The following VEGFC variants were observed in gnomAD, a reference collection of about 807,000 sequenced individuals.
VEGFC encodes vascular endothelial growth factor C.
VEGFC carries 12 observed loss-of-function variants against 46.1 expected under a neutral mutation model. That is an observed-to-expected ratio of 0.26 (90% CI 0.17 to 0.42). The LOEUF is 0.42. VEGFC is among the 10% of genes least tolerant of loss of function. The pLI is 1.00. For missense variants in VEGFC, 488 were observed against 529.4 expected, an observed-to-expected ratio of 0.92 and a Z score of 0.77; for synonymous variants, 232 against 195.5, an observed-to-expected ratio of 1.19 and a Z score of -1.56.
intron 1 of VEGFC, among the ~76,000 whole-genome samples, chr4:176,787,829 C>T (rs1427281522): frequency 2.0e-5 from 3 of 152,172 alleles, no homozygotes; most frequent in Non-Finnish European, 4.4e-5. Context: ...ATAACTCAAA[C>T]TCATCAGCAT....
Position 176,729,558 on chromosome 4 carries a change from T to C in VEGFC, c.336A>G (p.Ala112=). Residue 112 remains alanine, a synonymous_variant, in exon 2 of 7, where the codon GCA becomes GCG. Transcript: ENST00000618562. ...TTTTCAAGATCTCTGTATTATAATG[T>C]GCTGCAGCAAATTTTATAGTCTCTT... ...RTEETIKFAA[A]HYNTEILKSI... 1 of 1,613,542 alleles carries C rather than the reference T, an allele frequency of 6.2e-7. No individual in the cohort carries two copies. The highest frequency in any genetic ancestry group is 8.5e-7 in the Non-Finnish European group (1 of 1,179,886).
At chr4:176,687,641 A>G in intron 5 of VEGFC, 121 bp from the exon 6 acceptor site, 1 of 1,100,884 alleles carries the variant, frequency 9.1e-7, no homozygotes, top group Non-Finnish European at 1.3e-6. Context: ...GGGTACAAAC[A>G]TGAGTATGTT....
At chr4:176,716,445 C>T (rs1394131466) in intron 3 of VEGFC, among the ~76,000 whole-genome samples, 19 of 151,642 alleles carry the variant, frequency 1.3e-4, no homozygotes, top group Admixed American at 7.2e-4. Context: ...GGTGGCGTGG[C>T]GGATGCCTGT....
chr4:176,710,609 T>C (rs1325844260), intron 4 of VEGFC, among the ~76,000 whole-genome samples: 1 of 152,212 alleles, frequency 6.6e-6, no homozygotes, highest in Non-Finnish European at 1.5e-5. Context: ...GTTTTCTTTT[T>C]TGTAATATAT....
chr4:176,696,892 C>G (rs1734325012), intron 4 of VEGFC, among the ~76,000 whole-genome samples: 1 of 151,942 alleles, frequency 6.6e-6, no homozygotes, highest in Non-Finnish European at 1.5e-5. Context: ...GAAAGGATGC[C>G]CTATTTAATA....
intron 3 of VEGFC, among the ~76,000 whole-genome samples, chr4:176,719,788 C>A (rs192835255): frequency 1.3e-5 from 2 of 152,104 alleles, no homozygotes; most frequent in Non-Finnish European, 2.9e-5. Flanking sequence ...CTGCCGGGTG[C>A]GGTGGCTCAT....
chr4:176,776,724 T>C (rs917380602), intron 1 of VEGFC, among the ~76,000 whole-genome samples: 4 of 152,210 alleles, frequency 2.6e-5, no homozygotes, highest in Non-Finnish European at 5.9e-5. Flanking sequence ...CTTTATTCAA[T>C]AAAATATGGT....
chr4:176,747,812 C>A lies in VEGFC; in HGVS notation c.148-18066G>T, dbSNP rs144242232. ...GTCTCAAAAACAAATGAACAAAAAT[C>A]AAGTTCTCTTTCATTAAGCATCTTA... On this transcript the variant is annotated intron_variant, in intron 1 of 6. Transcript: ENST00000618562. 1.4e-3 allele frequency among the ~76,000 whole-genome samples: 211 copies of A among 151,960 alleles called. 2 individuals carry two copies. Among genetic ancestry groups the A allele is most frequent in the Non-Finnish European group, 1.8e-4 (12 of 67,910 alleles).
intron 3 of VEGFC, among the ~76,000 whole-genome samples, chr4:176,725,025 TAAC>T (rs1460247584): frequency 2.0e-5 from 3 of 152,060 alleles, no homozygotes; most frequent in African/African-American, 7.2e-5. Context: ...TTGGAGTGAA[TAAC>T]GATATATTGT....
chr4:176,790,290 T>C (rs535682503), intron 1 of VEGFC, among the ~76,000 whole-genome samples: 4 of 152,272 alleles, frequency 2.6e-5, no homozygotes, highest in African/African-American at 9.6e-5. Context: ...TTTCATCACA[T>C]AGGAAAGGAA....
intron 3 of VEGFC, among the ~76,000 whole-genome samples, chr4:176,720,894 C>T (rs993479479): frequency 1.6e-4 from 23 of 147,708 alleles, no homozygotes; most frequent in Non-Finnish European, 1.2e-4. Flanking sequence ...ATAAAACAAT[C>T]TGACAGATAA....
chr4:176,776,996 G>C (rs1332758282), intron 1 of VEGFC, among the ~76,000 whole-genome samples: 1 of 152,128 alleles, frequency 6.6e-6, no homozygotes, highest in Admixed American at 6.5e-5. Context: ...AACTGGACGG[G>C]AGATGTTTTA....
In VEGFC at chr4:176,687,384, C is replaced by A; in HGVS notation, c.948G>T (p.Gln316His). The A allele has an allele frequency of 6.2e-7, 1 of 1,614,188 alleles. No homozygotes were observed. Among genetic ancestry groups the A allele is most frequent in the South Asian group, 1.1e-5 (1 of 91,088 alleles). The change falls in exon 6 of 7, where the codon CAG becomes CAT. Residue 316 changes from glutamine (Q) to histidine (H), a missense_variant. Transcript: ENST00000618562. Reference protein sequence around the residue: ...PHKELDRNSCQCVCKNKLFPS... With the variant: ...PHKELDRNSCHCVCKNKLFPS... ...GGAAGAGTTTGTTTTTACAGACACA[C>A]TGGCATGAGTTTCTGTCTAGTTCTT...
At chr4:176,782,506 G>GA (rs1735934416) in intron 1 of VEGFC, among the ~76,000 whole-genome samples, 1 of 150,852 alleles carries the variant, frequency 6.6e-6, no homozygotes, top group African/African-American at 2.4e-5. Flanking sequence ...AAAGTTGAGA[G>GA]AAAAATAAAT....
intron 1 of VEGFC, among the ~76,000 whole-genome samples, chr4:176,781,999 G>A (rs563918237): frequency 2.4e-4 from 37 of 152,142 alleles, no homozygotes; most frequent in Non-Finnish European, 3.1e-4. Context: ...CTACCGCAGT[G>A]CCAAGGTCTG....
chr4:176,742,760 T>C (rs1307264575), intron 1 of VEGFC, among the ~76,000 whole-genome samples: 1 of 152,016 alleles, frequency 6.6e-6, no homozygotes, highest in Non-Finnish European at 1.5e-5. Context: ...AGTTGTAAAA[T>C]TGCAAAAGTC....
chr4:176,727,865 T>C lies in VEGFC; in HGVS notation c.465A>G (p.Pro155=), dbSNP rs193255950. The change falls in exon 3 of 7, where the codon CCA becomes CCG. Residue 155 remains proline (P), a synonymous_variant. Transcript: ENST00000618562. ...GVATNTFFKP[P]CVSVYRCGGC... is the part of the protein sequence containing the mutation. ...CCCCACATCTGTAGACGGACACACA[T>C]GGAGGTTTAAAGAAGGTGTTTGTCG... 3.8e-5 allele frequency: 62 copies of C among 1,613,980 alleles called. 1 individual carries two copies. In the African/African-American group the frequency reaches 4.5e-4, roughly 12 times the overall value.
intron 1 of VEGFC, among the ~76,000 whole-genome samples, chr4:176,739,970 CG>C (rs1560951364): frequency 3.6e-4 from 4 of 11,244 alleles, no homozygotes; most frequent in East Asian, 0.015. Flanking sequence ...TTCGATATAT[CG>C]AATATATATA....
In VEGFC at chr4:176,729,687, G is replaced by C; in HGVS notation, c.207C>G (p.Leu69=). The change falls in exon 2 of 7, where the codon CTC becomes CTG. Residue 69 remains leucine, a synonymous_variant. Coordinates refer to ENST00000618562, the MANE Select transcript of VEGFC (RefSeq NM_005429.5). The stretch of plus-strand genomic sequence containing the variant: ...AATATTCTGGGTAGAGTACAGTCAT[G>C]AGTTCATCTACACTGGACACAGACC... ...QLRSVSSVDE[L]MTVLYPEYWK... is the part of the protein sequence containing the mutation. The C allele has an allele frequency of 6.2e-7, 1 of 1,613,352 alleles. No individual in the cohort carries two copies. The highest frequency in any genetic ancestry group is 8.5e-7 in the Non-Finnish European group (1 of 1,179,682).
Sources: allele counts gnomAD v4.1 joint callset (sites outside exome capture counted in the v4.1 genomes callset), GRCh38; gene constraint gnomAD v4.1.1; transcripts MANE v1.5; gene names NCBI Gene and HGNC (gene_info 2026-07-23, HGNC 2026-07-21).